NLGN1: variants seen among roughly 807,000 people sequenced by gnomAD.
NLGN1 encodes neuroligin 1, also known as neuroligin-1.
In NLGN1, 12 loss-of-function variants were observed where a neutral mutation model predicts 65.5. That is an observed-to-expected ratio of 0.18 (90% CI 0.12 to 0.30). The LOEUF is 0.30. Among genes scored for constraint, NLGN1 ranks in the 10% least tolerant of loss-of-function variants. The probability of loss-of-function intolerance (pLI) is 1.00; values close to 1 mark genes in which losing one functional copy is unlikely to be tolerated. For missense variants in NLGN1, 750 were observed against 1,007.1 expected, an observed-to-expected ratio of 0.74 and a Z score of 3.46; for synonymous variants, 350 against 359.5, an observed-to-expected ratio of 0.97 and a Z score of 0.30.
chr3:173,992,227 A>G (rs575777613), intron 4 of NLGN1, among the ~76,000 whole-genome samples: 1 of 152,284 alleles, frequency 6.6e-6, no homozygotes, highest in South Asian at 2.1e-4. Context: ...ATTCATAAGT[A>G]TACATATATT....
intron 4 of NLGN1, among the ~76,000 whole-genome samples, chr3:173,882,674 C>T (rs1245156079): frequency 6.6e-6 from 1 of 152,196 alleles, no homozygotes; most frequent in Non-Finnish European, 1.5e-5. Context: ...TAAGGGCTTA[C>T]TGTAGATTAG....
At chr3:174,292,277 T>C in the NLGN1 span, among the ~76,000 whole-genome samples, 40 of 151,348 alleles carry the variant, frequency 2.6e-4, no homozygotes, top group Non-Finnish European at 4.7e-4. Context: ...AGAACATTTC[T>C]TACTGTAAAA....
intron 3 of NLGN1, among the ~76,000 whole-genome samples, chr3:173,726,992 T>C (rs1771918701): frequency 6.7e-6 from 1 of 150,196 alleles, no homozygotes; most frequent in East Asian, 1.9e-4. Context: ...AGAACTTCTC[T>C]GGTGTTTGTT....
intron 4 of NLGN1, among the ~76,000 whole-genome samples, chr3:174,043,423 A>G (rs1168042087): frequency 1.3e-5 from 2 of 152,238 alleles, no homozygotes; most frequent in African/African-American, 4.8e-5. Flanking sequence ...CAACATCAAA[A>G]TCAAGTTACT....
At chr3:173,757,660 A>C (rs752359268) in intron 3 of NLGN1, among the ~76,000 whole-genome samples, 2 of 152,056 alleles carry the variant, frequency 1.3e-5, no homozygotes, top group Non-Finnish European at 2.9e-5. Flanking sequence ...GTCCTGATTC[A>C]AACAAAGCAG....
intron 2 of NLGN1, among the ~76,000 whole-genome samples, chr3:173,499,051 T>G (rs1282363009): frequency 2.0e-5 from 3 of 150,470 alleles, no homozygotes; most frequent in Admixed American, 2.0e-4. Flanking sequence ...AGAAGCTCTT[T>G]AGTTGAATTA....
rs182992107 is a variant in NLGN1 at position 173,406,478 on chromosome 3, C to T, written c.-390+7991C>T. Among the ~76,000 whole-genome samples the T allele has an allele frequency of 1.4e-3, 203 of 147,150 alleles. 2 individuals are homozygous for T. The highest frequency in any genetic ancestry group is 4.6e-3 in the African/African-American group (185 of 39,968). On this transcript the variant is annotated intron_variant, in intron 1 of 6. Transcript: ENST00000457714. ...TTTATTTTATATGTATATTTATATA[C>T]GAATATATCTATGAATCAAATATAT...
chr3:173,552,278 A>T (rs750023300), intron 2 of NLGN1, among the ~76,000 whole-genome samples: 3 of 152,188 alleles, frequency 2.0e-5, no homozygotes, highest in Non-Finnish European at 4.4e-5. Context: ...GGTCAGAAGA[A>T]GTCATTGTGG....
At chr3:174,234,286 C>T (rs1282648670) in intron 4 of NLGN1, among the ~76,000 whole-genome samples, 1 of 152,080 alleles carries the variant, frequency 6.6e-6, no homozygotes, top group Non-Finnish European at 1.5e-5. Flanking sequence ...CACTGTTTGA[C>T]CTTTGACTTG....
At chr3:174,058,103 A>C (rs1222078263) in intron 4 of NLGN1, among the ~76,000 whole-genome samples, 1 of 152,154 alleles carries the variant, frequency 6.6e-6, no homozygotes, top group Non-Finnish European at 1.5e-5. Flanking sequence ...CAAGGCAGGT[A>C]AGAGTATATT....
intron 2 of NLGN1, among the ~76,000 whole-genome samples, chr3:173,469,144 G>A (rs988430474): frequency 3.3e-5 from 5 of 152,072 alleles, no homozygotes; most frequent in African/African-American, 1.2e-4. Context: ...GATACTTCTT[G>A]TAAAGCCTTA....
chr3:173,669,398 A>G (rs765728789), intron 3 of NLGN1, among the ~76,000 whole-genome samples: 1 of 152,210 alleles, frequency 6.6e-6, no homozygotes, highest in Non-Finnish European at 1.5e-5. Context: ...CTTTGAATGC[A>G]CTAAGAAAAG....
intron 4 of NLGN1, among the ~76,000 whole-genome samples, chr3:174,209,570 C>T (rs955779270): frequency 1.3e-5 from 2 of 150,170 alleles, no homozygotes; most frequent in Non-Finnish European, 3.0e-5. Context: ...AGATGCTGTT[C>T]ACCACATTGG....
rs554559725 is a variant in NLGN1, at chr3:173,738,030, G to GT, written c.494-69648dup. 4.1e-4 allele frequency among the ~76,000 whole-genome samples: 63 copies of GT among 152,062 alleles called. No homozygotes were observed. The East Asian group carries it at 0.012, about 28-fold the overall frequency. Reference sequence around the variant, plus strand: ...GATGTTGAGAATCTTTTGTGTGCTTGTTGGCCATTTCTATATCTTCTTTGG... The same window carrying GT: ...GATGTTGAGAATCTTTTGTGTGCTTGTTTGGCCATTTCTATATCTTCTTTGG... On this transcript the variant is annotated intron_variant, in intron 3 of 6. Coordinates refer to ENST00000457714, the Ensembl canonical transcript of NLGN1.
intron 4 of NLGN1, among the ~76,000 whole-genome samples, chr3:173,831,609 A>G (rs973304093): frequency 1.3e-5 from 2 of 152,224 alleles, no homozygotes; most frequent in African/African-American, 4.8e-5. Flanking sequence ...CAATGTTTGT[A>G]CTTTCTACAA....
At chr3:174,070,922 A>G (rs1342108500) in intron 4 of NLGN1, among the ~76,000 whole-genome samples, 1 of 152,040 alleles carries the variant, frequency 6.6e-6, no homozygotes, top group Non-Finnish European at 1.5e-5. Flanking sequence ...CAGGTGTGGT[A>G]GATGCACATG....
intron 4 of NLGN1, among the ~76,000 whole-genome samples, chr3:174,115,804 A>C (rs1383143445): frequency 6.6e-6 from 1 of 152,218 alleles, no homozygotes; most frequent in African/African-American, 2.4e-5. Flanking sequence ...TAGCCTCAAA[A>C]AATGTCATTT....
chr3:173,732,181 T>G (rs1320200715), intron 3 of NLGN1, among the ~76,000 whole-genome samples: 1 of 152,104 alleles, frequency 6.6e-6, no homozygotes, highest in Non-Finnish European at 1.5e-5. Flanking sequence ...TTTTAATTAC[T>G]ATGACTAATT....
At chr3:174,117,489 C>T (rs375720699) in intron 4 of NLGN1, among the ~76,000 whole-genome samples, 12 of 151,596 alleles carry the variant, frequency 7.9e-5, no homozygotes, top group East Asian at 5.8e-4. Context: ...GGCGCAGTGG[C>T]GGGCGCCTGT....
Sources: gnomAD v4.1 joint callset for allele counts (sites outside exome capture counted in the v4.1 genomes callset) on GRCh38, gnomAD v4.1.1 for gene constraint, MANE v1.5 for transcripts, NCBI Gene and HGNC (gene_info 2026-07-23, HGNC 2026-07-21) for gene names.